CCDC148: variants seen among roughly 807,000 people sequenced by gnomAD.
The protein encoded by CCDC148 is coiled-coil domain containing 148, also known as coiled-coil domain-containing protein 148.
CCDC148 carries 89 observed loss-of-function variants against 85.7 expected under a neutral mutation model. The ratio of observed to expected loss-of-function variants is 1.04; its 90% CI spans 0.87 to 1.24. The LOEUF is 1.24. CCDC148 is among the 50% of genes most tolerant of loss of function. The probability of loss-of-function intolerance (pLI) is 0.00; values close to 1 mark genes in which losing one functional copy is unlikely to be tolerated. For synonymous variants in CCDC148, 230 were observed against 213.9 expected (o/e 1.08, Z -0.66); for missense variants, 692 against 671.7 (o/e 1.03, Z -0.33).
intron 9 of CCDC148, among the ~76,000 whole-genome samples, chr2:158,286,243 T>C (rs1690618961): frequency 6.6e-6 from 1 of 152,188 alleles, no homozygotes; most frequent in African/African-American, 2.4e-5. Flanking sequence ...AAAGATTGTA[T>C]AGCACCTCTG....
chr2:158,186,807 T>A (rs981564590), intron 11 of CCDC148, among the ~76,000 whole-genome samples: 2 of 152,032 alleles, frequency 1.3e-5, no homozygotes, highest in African/African-American at 2.4e-5. Context: ...TGAAATTTTT[T>A]TTCTAGTTTT....
intron 7 of CCDC148, among the ~76,000 whole-genome samples, chr2:158,332,951 A>G (rs560564471): frequency 5.9e-5 from 9 of 151,296 alleles, no homozygotes; most frequent in Non-Finnish European, 1.2e-4. Flanking sequence ...CTAGCAGTCT[A>G]TTTATTTTGT....
rs1224421750 is a variant in CCDC148 at position 158,340,646 on chromosome 2, T to C, written c.286A>G (p.Asn96Asp). The C allele has an allele frequency of 1.3e-6, 2 of 1,588,310 alleles. No homozygotes were observed. The highest frequency in any genetic ancestry group is 1.7e-6 in the Non-Finnish European group (2 of 1,163,926). ...CATTCATTTCCAATGTTCTCTTCAT[T>C]GAGAAGGGATTTTATTTCAGATTCC... ...KMESEIKSLLNEENIGNECLC... is the reference protein window; with the variant it reads ...KMESEIKSLLDEENIGNECLC... The change falls in exon 4 of 14, where the codon AAT (asparagine) becomes GAT (aspartate). Residue 96 changes from asparagine (N) to aspartate (D), a missense_variant. Transcript: ENST00000283233.
intron 9 of CCDC148, among the ~76,000 whole-genome samples, chr2:158,262,447 A>T (rs187769091): frequency 6.6e-6 from 1 of 152,084 alleles, no homozygotes; most frequent in African/African-American, 2.4e-5. Flanking sequence ...TATCTGCACA[A>T]TAAAACCCCA....
chr2:158,223,484 C>A (rs564803125), intron 10 of CCDC148, among the ~76,000 whole-genome samples: 1 of 152,176 alleles, frequency 6.6e-6, no homozygotes, highest in Admixed American at 6.5e-5. Flanking sequence ...GGTTCTCCCA[C>A]CACACAGCTG....
chr2:158,354,078 G>C (rs1683482888), intron 2 of CCDC148, among the ~76,000 whole-genome samples: 1 of 151,878 alleles, frequency 6.6e-6, no homozygotes, highest in Admixed American at 6.6e-5. Context: ...ATTCAAAGCA[G>C]TGTGTACAGG....
chr2:158,448,517 T>C (rs536909495), intron 1 of CCDC148, among the ~76,000 whole-genome samples: 1 of 152,058 alleles, frequency 6.6e-6, no homozygotes, highest in African/African-American at 2.4e-5. Flanking sequence ...CTAATTTTTG[T>C]ATTTTTGGTA....
chr2:158,181,854 T>C (rs1432315751), intron 11 of CCDC148, among the ~76,000 whole-genome samples: 1 of 151,582 alleles, frequency 6.6e-6, no homozygotes, highest in African/African-American at 2.4e-5. Flanking sequence ...GAGAAGTATC[T>C]GCTGTGATAT....
intron 9 of CCDC148, among the ~76,000 whole-genome samples, chr2:158,282,080 C>T (rs528760981): frequency 4.5e-4 from 68 of 151,536 alleles, no homozygotes; most frequent in African/African-American, 1.6e-3. Flanking sequence ...TTCAACAACG[C>T]TTCATGCTAA....
chr2:158,248,733 T>A (rs1460394014), intron 10 of CCDC148, among the ~76,000 whole-genome samples: 1 of 152,146 alleles, frequency 6.6e-6, no homozygotes, highest in Non-Finnish European at 1.5e-5. Flanking sequence ...TAGGTATAGA[T>A]CACATCTTGC....
intron 9 of CCDC148, among the ~76,000 whole-genome samples, chr2:158,257,519 G>A (rs916630178): frequency 1.3e-5 from 2 of 151,734 alleles, no homozygotes; most frequent in African/African-American, 4.8e-5. Flanking sequence ...TATAGTACCT[G>A]TGATTTTGGA....
intron 9 of CCDC148, among the ~76,000 whole-genome samples, chr2:158,268,450 G>T (rs954727121): frequency 1.3e-5 from 2 of 152,074 alleles, no homozygotes. Flanking sequence ...AAATTTTCCA[G>T]ATTTATTGAG....
chr2:158,250,941 G>A, intron 9 of CCDC148, 29 bp from the exon 10 acceptor site: 1 of 1,579,112 alleles, frequency 6.3e-7, no homozygotes, highest in Non-Finnish European at 8.6e-7. Flanking sequence ...CTTCATTCCA[G>A]TAACTATGCA....
At chr2:158,313,647 G>A (rs533425314) in intron 8 of CCDC148, 109 bp downstream of exon 8, 30 of 1,151,072 alleles carry the variant, frequency 2.6e-5, no homozygotes, top group Non-Finnish European at 3.2e-5. Flanking sequence ...TAGAGGGTAG[G>A]AAAAAAATAA....
chr2:158,338,704 G>C, intron 7 of CCDC148, 22 bp downstream of exon 7: 2 of 1,564,524 alleles, frequency 1.3e-6, no homozygotes, highest in Non-Finnish European at 1.7e-6. Context: ...AGTCTACACA[G>C]GACTCAGTTT....
chr2:158,441,785 T>C (rs182412124), intron 1 of CCDC148, among the ~76,000 whole-genome samples: 8 of 152,294 alleles, frequency 5.3e-5, no homozygotes, highest in African/African-American at 1.9e-4. Context: ...ACTCATTGAT[T>C]TATCCAGATT....
At chr2:158,325,040 A>G (rs1223316031) in intron 7 of CCDC148, among the ~76,000 whole-genome samples, 2 of 151,178 alleles carry the variant, frequency 1.3e-5, no homozygotes, top group African/African-American at 2.4e-5. Flanking sequence ...TTTATCCTTT[A>G]CTAGATTACT....
intron 9 of CCDC148, among the ~76,000 whole-genome samples, chr2:158,274,148 C>G (rs777736364): frequency 1.3e-5 from 2 of 152,078 alleles, no homozygotes; most frequent in Non-Finnish European, 2.9e-5. Context: ...ATGAAGTTCC[C>G]CAAGTTTAGG....
chr2:158,211,949 T>A (rs1168215419), intron 11 of CCDC148, among the ~76,000 whole-genome samples: 1 of 152,216 alleles, frequency 6.6e-6, no homozygotes, highest in Non-Finnish European at 1.5e-5. Context: ...AATCTGTGTA[T>A]CCATGTCCCA....
Sources: allele counts gnomAD v4.1 joint callset (sites outside exome capture counted in the v4.1 genomes callset), GRCh38; gene constraint gnomAD v4.1.1; transcripts MANE v1.5; gene names NCBI Gene and HGNC (gene_info 2026-07-23, HGNC 2026-07-21).